UVSSA: variants seen among roughly 807,000 people sequenced by gnomAD.
The protein encoded by UVSSA is UV stimulated scaffold protein A.
A neutral mutation model predicts 73.9 loss-of-function variants in UVSSA; 72 were observed. The observed-to-expected ratio is 0.97, with a 90% CI of 0.81 to 1.19. The LOEUF (loss-of-function observed/expected upper bound fraction) is 1.19, where lower values mean the gene tolerates loss of function less well. Among genes scored for constraint, UVSSA ranks in the 50% most tolerant of loss-of-function variants. UVSSA has a pLI of 0.00. For missense variants in UVSSA, 1,150 were observed against 965.0 expected, an observed-to-expected ratio of 1.19 and a Z score of -2.54; for synonymous variants, 454 against 391.3, an observed-to-expected ratio of 1.16 and a Z score of -1.89.
chr4:1,369,729 C>T lies in UVSSA; in HGVS notation c.1288+3298C>T, dbSNP rs73793384. ...GGCCCCCCTCTCCGTTTCCTACCAT[C>T]GATTCCCTCCCTCACTGTCTGCTTT... is the stretch of plus-strand genomic sequence containing the variant. On this transcript the variant is annotated intron_variant, in intron 8 of 13. Coordinates refer to ENST00000389851, the MANE Select transcript of UVSSA (RefSeq NM_020894.4). Among the ~76,000 whole-genome samples, 365 of 152,370 alleles carry T rather than the reference C, an allele frequency of 2.4e-3. 2 individuals carry two copies. The highest frequency in any genetic ancestry group is 8.3e-3 in the African/African-American group (344 of 41,592).
intron 12 of UVSSA, among the ~76,000 whole-genome samples, chr4:1,382,168 G>A (rs975222492): frequency 5.9e-5 from 9 of 152,236 alleles, no homozygotes; most frequent in African/African-American, 1.9e-4. Flanking sequence ...AGCCCTGGGC[G>A]GCGGGAGGGC....
At chr4:1,352,672 CT>C (rs933359828) in intron 4 of UVSSA, among the ~76,000 whole-genome samples, 5 of 152,258 alleles carry the variant, frequency 3.3e-5, no homozygotes, top group African/African-American at 1.2e-4. Context: ...CAGCACACGA[CT>C]GGGCGCGGTG....
At chr4:1,366,095 C>T (rs757080930) in intron 7 of UVSSA, 4 of 404,770 alleles carry the variant, frequency 9.9e-6, no homozygotes, top group Non-Finnish European at 1.8e-5. Flanking sequence ...AACATAGACT[C>T]TAAACAGCCC....
At chr4:1,381,411 AG>A (rs759473129) in intron 12 of UVSSA, among the ~76,000 whole-genome samples, 2 of 152,208 alleles carry the variant, frequency 1.3e-5, no homozygotes, top group Non-Finnish European at 2.9e-5. Flanking sequence ...CTCAGTGTGC[AG>A]GTGGCCACAG....
chr4:1,382,589 G>A (rs1331735090), intron 12 of UVSSA, among the ~76,000 whole-genome samples: 1 of 152,166 alleles, frequency 6.6e-6, no homozygotes. Flanking sequence ...GGGCTTTTTC[G>A]TTGTGTTTAA....
chr4:1,351,126 T>A (rs1168738030), intron 3 of UVSSA, among the ~76,000 whole-genome samples: 1 of 150,588 alleles, frequency 6.6e-6, no homozygotes, highest in African/African-American at 2.5e-5. Context: ...AGTGCAGTGG[T>A]GCGATCTCAG....
exon 14 of UVSSA, chr4:1,395,727 T>C: frequency 6.2e-7 from 1 of 1,614,266 alleles, no homozygotes; most frequent in Non-Finnish European, 8.5e-7. Flanking sequence ...ATGGTGGTTC[T>C]GTAGGTTTCC....
intron 10 of UVSSA, among the ~76,000 whole-genome samples, chr4:1,378,609 T>G (rs1719059878): frequency 6.6e-6 from 1 of 152,192 alleles, no homozygotes; most frequent in Non-Finnish European, 1.5e-5. Context: ...TCCCTGCACC[T>G]GGACGGGGAG....
At chr4:1,346,172 G>T (rs1347622533), upstream of UVSSA, among the ~76,000 whole-genome samples, 1 of 152,206 alleles carries the variant, frequency 6.6e-6, no homozygotes, top group Non-Finnish European at 1.5e-5. Flanking sequence ...GCTTTACTGA[G>T]ATATAACTCA....
intron 2 of UVSSA, 98 bp from the exon 3 acceptor site, chr4:1,349,426 C>G (rs34649776): frequency 0.045 from 53,346 of 1,179,804 alleles, 1,380 homozygotes; most frequent in Middle Eastern, 0.058. Context: ...CAGTGGTGGT[C>G]CCTGCCACAC....
At chr4:1,367,881 G>C (rs965904750) in intron 8 of UVSSA, among the ~76,000 whole-genome samples, 1 of 151,982 alleles carries the variant, frequency 6.6e-6, no homozygotes, top group Non-Finnish European at 1.5e-5. Flanking sequence ...TCCAACACCA[G>C]CATCCACCTG....
intron 8 of UVSSA, among the ~76,000 whole-genome samples, chr4:1,367,185 G>C (rs767626619): frequency 6.6e-6 from 1 of 152,178 alleles, no homozygotes; most frequent in Non-Finnish European, 1.5e-5. Context: ...AGCCTGTGCC[G>C]TGGAGGGCTT....
downstream of UVSSA, chr4:1,391,205 T>C (rs1720406545): frequency 6.5e-6 from 1 of 153,458 alleles, no homozygotes; most frequent in Non-Finnish European, 1.4e-5. Flanking sequence ...TTTGTAGTGT[T>C]GTATAGATGC....
chr4:1,360,209 T>C (rs557273877), intron 7 of UVSSA, among the ~76,000 whole-genome samples: 1 of 152,350 alleles, frequency 6.6e-6, no homozygotes, highest in East Asian at 1.9e-4. Context: ...ACAGGTTCTC[T>C]GGAGTCAGCA....
chr4:1,357,500 T>A (rs1715955903), intron 7 of UVSSA, among the ~76,000 whole-genome samples: 1 of 152,208 alleles, frequency 6.6e-6, no homozygotes, highest in East Asian at 1.9e-4. Flanking sequence ...CTGGGCAGCC[T>A]CCGGGACTGC....
intron 6 of UVSSA, 64 bp downstream of exon 6, chr4:1,354,911 G>T: frequency 2.1e-6 from 3 of 1,432,806 alleles, no homozygotes; most frequent in Middle Eastern, 1.8e-4. Context: ...CATGGGGGGG[G>T]TCCCTTTCTT....
intron 7 of UVSSA, among the ~76,000 whole-genome samples, chr4:1,357,259 G>A (rs906425327): frequency 3.3e-5 from 5 of 152,218 alleles, no homozygotes; most frequent in Admixed American, 3.3e-4. Flanking sequence ...ACAGAGCAGA[G>A]GGGGGCTGAT....
chr4:1,366,133 G>T (rs1394481926), intron 7 of UVSSA, 187 bp from the exon 8 acceptor site: 4 of 556,146 alleles, frequency 7.2e-6, no homozygotes, highest in Non-Finnish European at 1.3e-5. Context: ...CAGAGGTGGT[G>T]TGATTTTGGG....
chr4:1,350,513 A>C (rs752936363), intron 3 of UVSSA, among the ~76,000 whole-genome samples: 11 of 152,230 alleles, frequency 7.2e-5, no homozygotes, highest in Non-Finnish European at 1.5e-4. Flanking sequence ...TGGAACAAGC[A>C]CACTGCTCTC....
Sources: gnomAD v4.1 joint callset for allele counts (sites outside exome capture counted in the v4.1 genomes callset) on GRCh38, gnomAD v4.1.1 for gene constraint, MANE v1.5 for transcripts, NCBI Gene and HGNC (gene_info 2026-07-23, HGNC 2026-07-21) for gene names.